SYN3: variants seen among roughly 807,000 people sequenced by gnomAD.
SYN3 encodes the protein synapsin-3.
Under a neutral mutation model 65.8 loss-of-function variants are expected in SYN3, and 35 were observed. The ratio of observed to expected loss-of-function variants is 0.53; its 90% CI spans 0.41 to 0.70. The LOEUF (loss-of-function observed/expected upper bound fraction) is 0.70, where lower values mean the gene tolerates loss of function less well. SYN3 is among the 30% of genes least tolerant of loss of function. The pLI, the probability that SYN3 is intolerant of heterozygous loss-of-function variation, is 0.00. For missense variants in SYN3, 680 were observed against 749.0 expected, an observed-to-expected ratio of 0.91 and a Z score of 1.08; for synonymous variants, 270 against 292.9, an observed-to-expected ratio of 0.92 and a Z score of 0.80.
intron 1 of SYN3, among the ~76,000 whole-genome samples, chr22:33,045,213 T>A (rs2054038869): frequency 6.6e-6 from 1 of 152,148 alleles, no homozygotes; most frequent in Admixed American, 6.5e-5. Flanking sequence ...AACCTGACAC[T>A]TAGTAATTTG....
intron 6 of SYN3, among the ~76,000 whole-genome samples, chr22:32,637,184 T>C (rs1022082967): frequency 1.3e-5 from 2 of 152,208 alleles, no homozygotes; most frequent in African/African-American, 2.4e-5. Context: ...TGAAGTGTTG[T>C]AATAGAGAAC....
intron 6 of SYN3, among the ~76,000 whole-genome samples, chr22:32,703,345 A>G (rs933875835): frequency 9.2e-5 from 14 of 152,198 alleles, no homozygotes; most frequent in African/African-American, 2.9e-4. Context: ...AGTTAAATAA[A>G]GAGTTTTGCC....
At chr22:32,949,703 T>C (rs547104769) in intron 3 of SYN3, among the ~76,000 whole-genome samples, 23 of 152,316 alleles carry the variant, frequency 1.5e-4, no homozygotes, top group Non-Finnish European at 2.8e-4. Flanking sequence ...TCATGTCTAG[T>C]TACTAATAAT....
chr22:32,657,604 A>G (rs1464059304), intron 6 of SYN3, among the ~76,000 whole-genome samples: 1 of 152,192 alleles, frequency 6.6e-6, no homozygotes, highest in Non-Finnish European at 1.5e-5. Context: ...GGCAGAGCAG[A>G]GTGGGGGTGG....
At chr22:32,638,333 G>C (rs2059848425) in intron 6 of SYN3, among the ~76,000 whole-genome samples, 1 of 152,166 alleles carries the variant, frequency 6.6e-6, no homozygotes, top group African/African-American at 2.4e-5. Flanking sequence ...TATATATCCA[G>C]TAATGGCTGG....
chr22:32,720,801 C>A (rs1298299637), intron 6 of SYN3, among the ~76,000 whole-genome samples: 1 of 152,154 alleles, frequency 6.6e-6, no homozygotes, highest in Non-Finnish European at 1.5e-5. Flanking sequence ...GCGCCCAGGC[C>A]TAAAAAGAAC....
chr22:32,912,355 GAA>G (rs1382477166), intron 4 of SYN3, among the ~76,000 whole-genome samples: 7 of 151,984 alleles, frequency 4.6e-5, no homozygotes, highest in African/African-American at 1.4e-4. Context: ...GGATAGGAAA[GAA>G]GAGATGAAGA....
intron 6 of SYN3, among the ~76,000 whole-genome samples, chr22:32,691,186 G>A (rs1330182458): frequency 6.6e-6 from 1 of 152,112 alleles, no homozygotes; most frequent in South Asian, 2.1e-4. Context: ...GGGCGCCCCG[G>A]TTCCTTCACC....
chr22:32,795,776 A>T (rs1197966900), intron 6 of SYN3, among the ~76,000 whole-genome samples: 1 of 152,212 alleles, frequency 6.6e-6, no homozygotes, highest in Admixed American at 6.5e-5. Context: ...GCAGAATCCC[A>T]GAGAGAGTAG....
chr22:33,028,688 G>GTGGTGGTGA (rs2053688667), intron 1 of SYN3, among the ~76,000 whole-genome samples: 1 of 90,826 alleles, frequency 1.1e-5, no homozygotes, highest in Admixed American at 1.1e-4. Context: ...GGTGGTGGTG[G>GTGGTGGTGA]TGATGGTGGT....
In SYN3 at chr22:32,577,307, G is replaced by A. The variant is rs370935026; in HGVS notation, c.774+19367C>T. 3.3e-4 allele frequency among the ~76,000 whole-genome samples: 51 copies of A among 152,292 alleles called. No homozygotes were observed. The South Asian group carries it at 9.9e-3, about 30-fold the overall frequency. On this transcript the variant is annotated intron_variant, in intron 7 of 13. Coordinates refer to ENST00000358763, the MANE Select transcript of SYN3 (RefSeq NM_003490.4). ...TCTCCTTATCTTTGGAGACACAGCT[G>A]AAGTTTCCCACCTTTATGGAAGTCT... is the stretch of plus-strand genomic sequence containing the variant.
chr22:32,597,204 C>CTTTTT lies in SYN3; in HGVS notation c.712-473_712-469dup, dbSNP rs6147592. Among the ~76,000 whole-genome samples, 18 of 87,396 alleles carry CTTTTT rather than the reference C, an allele frequency of 2.1e-4. 1 individual carries two copies. The highest frequency in any genetic ancestry group is 3.5e-4 in the East Asian group (1 of 2,880). 57.3% of individuals were successfully genotyped at this position (87,396 alleles called of 152,430 possible). A position where few individuals can be genotyped will look rare whatever the true frequency, so the allele number is the denominator to read the frequency against. On this transcript the variant is annotated intron_variant, in intron 6 of 13. Transcript: ENST00000358763. Reference sequence around the variant, plus strand: ...GCATACTCCTGTCTTACATTATTCTCTTTTTTTTTTTTTTTTTTTTTTTTT... The same window carrying CTTTTT: ...GCATACTCCTGTCTTACATTATTCTCTTTTTTTTTTTTTTTTTTTTTTTTTTTTTT...
At chr22:32,623,157 C>G (rs188369071) in intron 6 of SYN3, among the ~76,000 whole-genome samples, 11 of 151,244 alleles carry the variant, frequency 7.3e-5, no homozygotes, top group African/African-American at 2.7e-4. Context: ...CACAGATTGT[C>G]AAAGGATAGT....
In SYN3 at chr22:32,591,881, C is replaced by T. The variant is rs181603317; in HGVS notation, c.774+4793G>A. On this transcript the variant is annotated intron_variant, in intron 7 of 13. Transcript: ENST00000358763. ...GCTCCATTCTGCCCAGGACGTGAATCATCACTGCGTCCAGCACGTCCATGC... is the reference window on the plus strand; with the variant it reads ...GCTCCATTCTGCCCAGGACGTGAATTATCACTGCGTCCAGCACGTCCATGC... Among the ~76,000 whole-genome samples the T allele has an allele frequency of 4.0e-3, 608 of 152,306 alleles. 4 individuals are homozygous for T. Among genetic ancestry groups the T allele is most frequent in the Non-Finnish European group, 4.7e-3 (322 of 68,028 alleles).
At chr22:32,882,718 T>C (rs75912964) in intron 4 of SYN3, among the ~76,000 whole-genome samples, 1 of 102,748 alleles carries the variant, frequency 9.7e-6, no homozygotes, top group Admixed American at 1.3e-4. Flanking sequence ...AGTTCAGAAT[T>C]TTTTTTTTTT....
At chr22:32,988,620 A>C (rs2052606305) in intron 2 of SYN3, among the ~76,000 whole-genome samples, 1 of 152,244 alleles carries the variant, frequency 6.6e-6, no homozygotes, top group Admixed American at 6.5e-5. Flanking sequence ...GACCACACAG[A>C]GCATTCACAC....
At chr22:32,538,430 G>C (rs1471141543) in intron 8 of SYN3, among the ~76,000 whole-genome samples, 1 of 152,210 alleles carries the variant, frequency 6.6e-6, no homozygotes, top group East Asian at 1.9e-4. Context: ...AATGAGGGCA[G>C]TGTGTATAGC....
rs569041582 is a variant in SYN3, at chr22:33,006,892, C to T, written c.-162-68G>A. 19 of 414,862 alleles carry T rather than the reference C, an allele frequency of 4.6e-5. No individual in the cohort carries two copies. The South Asian group carries it at 9.6e-4, about 21-fold the overall frequency. 25.7% of individuals were successfully genotyped at this position (414,862 alleles called of 1,614,324 possible). A position where few individuals can be genotyped will look rare whatever the true frequency, so the allele number is the denominator to read the frequency against. On this transcript the variant is annotated intron_variant, in intron 1 of 13. Transcript: ENST00000358763. ...CCCCCTTAAGAGCAAACAGATACAG[C>T]GCTTTCCTGCCCCACTGCAGGTGGT...
intron 7 of SYN3, among the ~76,000 whole-genome samples, chr22:32,586,058 A>C (rs895389529): frequency 1.5e-5 from 2 of 137,894 alleles, no homozygotes; most frequent in African/African-American, 5.1e-5. Context: ...ATATGTGTAT[A>C]TGTATATATG....
Sources: allele counts gnomAD v4.1 joint callset (sites outside exome capture counted in the v4.1 genomes callset), GRCh38; gene constraint gnomAD v4.1.1; transcripts MANE v1.5; gene names NCBI Gene and HGNC (gene_info 2026-07-23, HGNC 2026-07-21).